The following KCNT2 variants were observed in gnomAD, a reference collection of about 807,000 sequenced individuals.
KCNT2 encodes potassium channel subfamily T member 2.
A neutral mutation model predicts 153.8 loss-of-function variants in KCNT2; 67 were observed. The observed-to-expected ratio is 0.44, with a 90% confidence interval of 0.36 to 0.53. KCNT2 has a LOEUF of 0.53. Ranked by LOEUF, KCNT2 falls within the 20% of genes least tolerant of loss-of-function variation. The pLI is 0.00. For missense variants in KCNT2, 975 were observed against 1,354.8 expected (o/e 0.72, Z 4.40); for synonymous variants, 500 against 458.8 (o/e 1.09, Z -1.15).
intron 13 of KCNT2, among the ~76,000 whole-genome samples, chr1:196,393,784 A>G (rs1031870394): frequency 6.6e-6 from 1 of 151,562 alleles, no homozygotes; most frequent in Non-Finnish European, 1.5e-5. Context: ...GTTCCACAAC[A>G]TGGAAGCATA....
At chr1:196,311,648 T>C (rs781509797) in intron 21 of KCNT2, among the ~76,000 whole-genome samples, 12 of 151,892 alleles carry the variant, frequency 7.9e-5, no homozygotes, top group Non-Finnish European at 1.5e-4. Flanking sequence ...CATTATATTC[T>C]GTGTGCTCTC....
chr1:196,371,360 G>A (rs998458210), intron 14 of KCNT2, among the ~76,000 whole-genome samples: 3 of 151,868 alleles, frequency 2.0e-5, no homozygotes, highest in Non-Finnish European at 4.4e-5. Flanking sequence ...TTGGTGGGGG[G>A]AAAATGTAGG....
intron 27 of KCNT2, 54 bp downstream of exon 27, chr1:196,235,931 TA>T: frequency 9.2e-7 from 1 of 1,091,218 alleles, no homozygotes; most frequent in South Asian, 1.3e-5. Context: ...AGTACAAAAA[TA>T]AATAGTAGTT....
chr1:196,506,916 A>G (rs1681191272), intron 1 of KCNT2, among the ~76,000 whole-genome samples: 1 of 152,148 alleles, frequency 6.6e-6, no homozygotes. Flanking sequence ...ACTGCATATC[A>G]TTTCTCTATA....
intron 1 of KCNT2, among the ~76,000 whole-genome samples, chr1:196,592,696 T>C (rs1339010229): frequency 1.4e-5 from 1 of 72,882 alleles, no homozygotes; most frequent in African/African-American, 4.2e-5. Context: ...ATTATATATG[T>C]ATGTATATAC....
intron 1 of KCNT2, among the ~76,000 whole-genome samples, chr1:196,553,303 A>C (rs1658198486): frequency 1.3e-5 from 2 of 151,294 alleles, no homozygotes; most frequent in African/African-American, 2.4e-5. Flanking sequence ...AGAGAAAAAG[A>C]AGCTCATTAC....
chr1:196,540,788 C>CA (rs1656249872), intron 1 of KCNT2, among the ~76,000 whole-genome samples: 2 of 152,086 alleles, frequency 1.3e-5, no homozygotes, highest in African/African-American at 4.8e-5. Flanking sequence ...CTATTTAGGC[C>CA]AGGCGCTGTG....
intron 6 of KCNT2, 98 bp from the exon 7 acceptor site, chr1:196,467,884 G>A (rs765179485): frequency 1.8e-6 from 1 of 560,202 alleles, no homozygotes; most frequent in Non-Finnish European, 3.1e-6. Flanking sequence ...GTTAAAGAAA[G>A]TATAATAATT....
chr1:196,332,260 T>C (rs1019365713), intron 17 of KCNT2, among the ~76,000 whole-genome samples: 2 of 152,150 alleles, frequency 1.3e-5, no homozygotes, highest in African/African-American at 4.8e-5. Flanking sequence ...TCTTTCGTTT[T>C]TCTAGAAATA....
chr1:196,420,454 A>G (rs1673107373), intron 12 of KCNT2, among the ~76,000 whole-genome samples: 1 of 151,692 alleles, frequency 6.6e-6, no homozygotes. Context: ...TGGTGTCTGA[A>G]TACAAGCAGG....
chr1:196,282,481 A>C, intron 23 of KCNT2, 125 bp from the exon 24 acceptor site: 1 of 548,396 alleles, frequency 1.8e-6, no homozygotes, highest in Non-Finnish European at 3.2e-6. Context: ...TCACATTTTT[A>C]ACCCTCCATA....
At chr1:196,321,062 C>T (rs1427688348) in intron 19 of KCNT2, among the ~76,000 whole-genome samples, 2 of 150,512 alleles carry the variant, frequency 1.3e-5, no homozygotes, top group African/African-American at 2.5e-5. Context: ...AGCCTATAAA[C>T]AGTTTTAAAG....
intron 1 of KCNT2, among the ~76,000 whole-genome samples, chr1:196,537,950 G>A (rs1341809174): frequency 6.6e-6 from 1 of 152,064 alleles, no homozygotes; most frequent in Non-Finnish European, 1.5e-5. Flanking sequence ...TCTGTAGCTG[G>A]GCCTCCAGGT....
intron 14 of KCNT2, among the ~76,000 whole-genome samples, chr1:196,364,772 A>T (rs1204161549): frequency 6.6e-6 from 1 of 152,148 alleles, no homozygotes; most frequent in Non-Finnish European, 1.5e-5. Flanking sequence ...TAATGTTTAT[A>T]AGAATTTTCA....
intron 25 of KCNT2, among the ~76,000 whole-genome samples, chr1:196,275,220 T>C (rs570567904): frequency 3.4e-4 from 52 of 152,018 alleles, no homozygotes; most frequent in Non-Finnish European, 6.2e-4. Context: ...GTCCTTCCTA[T>C]ATATGTTGTT....
intron 13 of KCNT2, among the ~76,000 whole-genome samples, chr1:196,379,984 A>T (rs1669337956): frequency 6.6e-6 from 1 of 152,218 alleles, no homozygotes; most frequent in South Asian, 2.1e-4. Flanking sequence ...ATTTCAATAA[A>T]CTATCTTGAA....
intron 8 of KCNT2, among the ~76,000 whole-genome samples, chr1:196,449,785 G>A (rs1008309406): frequency 1.3e-5 from 2 of 151,228 alleles, no homozygotes; most frequent in Non-Finnish European, 3.0e-5. Context: ...AATTTCAGGA[G>A]GTGGGTAATA....
intron 1 of KCNT2, among the ~76,000 whole-genome samples, chr1:196,530,862 G>A (rs1472289876): frequency 6.6e-6 from 1 of 151,986 alleles, no homozygotes; most frequent in East Asian, 1.9e-4. Context: ...GCTCTCTGAT[G>A]ACATTAGCTC....
chr1:196,524,637 A>G (rs558307392), intron 1 of KCNT2, among the ~76,000 whole-genome samples: 61 of 152,298 alleles, frequency 4.0e-4, no homozygotes, highest in Non-Finnish European at 6.5e-4. Flanking sequence ...AGTTCACACT[A>G]AAGTCATATA....
Sources: gnomAD v4.1 joint callset for allele counts (sites outside exome capture counted in the v4.1 genomes callset) on GRCh38, gnomAD v4.1.1 for gene constraint, MANE v1.5 for transcripts, NCBI Gene and HGNC (gene_info 2026-07-23, HGNC 2026-07-21) for gene names.